The following LSAMP variants were observed in gnomAD, a reference collection of about 807,000 sequenced individuals.
The protein encoded by LSAMP is limbic system associated membrane protein.
Under a neutral mutation model 38.6 loss-of-function variants are expected in LSAMP, and 7 were observed. The ratio of observed to expected loss-of-function variants is 0.18; its 90% CI spans 0.10 to 0.34. The LOEUF (loss-of-function observed/expected upper bound fraction) is 0.34. LSAMP is among the 10% of genes least tolerant of loss of function. LSAMP has a pLI of 1.00. For missense variants in LSAMP, 313 were observed against 420.0 expected (o/e 0.75, Z 2.23); for synonymous variants, 154 against 166.8 (o/e 0.92, Z 0.59).
intron 6 of LSAMP, among the ~76,000 whole-genome samples, chr3:115,828,017 C>A (rs984998335): frequency 2.6e-5 from 4 of 152,110 alleles, no homozygotes; most frequent in Non-Finnish European, 4.4e-5. Flanking sequence ...GTTAACTAAG[C>A]TTAATTTGTA....
chr3:116,165,591 A>G (rs1328307655), intron 1 of LSAMP, among the ~76,000 whole-genome samples: 2 of 152,180 alleles, frequency 1.3e-5, no homozygotes, highest in African/African-American at 4.8e-5. Flanking sequence ...GAAATCCACC[A>G]AAGAGGAAAT....
At chr3:115,987,837 G>C (rs4240165) in intron 3 of LSAMP, among the ~76,000 whole-genome samples, 67,890 of 151,942 alleles carry the variant, frequency 0.45, 16,773 homozygotes, top group African/African-American at 0.68. Flanking sequence ...TATAAGATTT[G>C]CTATTTAAAA....
At chr3:115,963,642 G>C (rs768961822) in intron 3 of LSAMP, among the ~76,000 whole-genome samples, 1 of 152,150 alleles carries the variant, frequency 6.6e-6, no homozygotes, top group South Asian at 2.1e-4. Flanking sequence ...CGGTGTAAGA[G>C]GGTTTTAACT....
intron 1 of LSAMP, among the ~76,000 whole-genome samples, chr3:116,095,070 A>T (rs1022297048): frequency 2.0e-5 from 3 of 152,226 alleles, no homozygotes; most frequent in African/African-American, 4.8e-5. Context: ...TCAAAAAGTT[A>T]ACCTCTTTAT....
chr3:116,381,388 C>T (rs914812165), intron 1 of LSAMP, among the ~76,000 whole-genome samples: 1 of 152,056 alleles, frequency 6.6e-6, no homozygotes, highest in Non-Finnish European at 1.5e-5. Context: ...AAACTTTCCT[C>T]ATTGAGGGTT....
At chr3:116,137,289 GTT>G (rs1439662983) in intron 1 of LSAMP, among the ~76,000 whole-genome samples, 1 of 151,978 alleles carries the variant, frequency 6.6e-6, no homozygotes, top group East Asian at 1.9e-4. Flanking sequence ...GCCAAATTTA[GTT>G]ATATTTTGAG....
intron 3 of LSAMP, among the ~76,000 whole-genome samples, chr3:115,909,798 G>T (rs1169335343): frequency 6.6e-6 from 1 of 152,148 alleles, no homozygotes. Context: ...TAAGAAGCCA[G>T]TCAGGATAAT....
chr3:116,203,698 A>G (rs1275972075), intron 1 of LSAMP, among the ~76,000 whole-genome samples: 5 of 151,244 alleles, frequency 3.3e-5, no homozygotes, highest in East Asian at 2.0e-4. Context: ...ATGATTTCCA[A>G]TTTCATCCAT....
chr3:115,880,889 T>A (rs1936303623), intron 3 of LSAMP, among the ~76,000 whole-genome samples: 1 of 151,624 alleles, frequency 6.6e-6, no homozygotes, highest in Non-Finnish European at 1.5e-5. Flanking sequence ...TACAAAAAAA[T>A]GAGCCAGGTG....
intron 1 of LSAMP, among the ~76,000 whole-genome samples, chr3:116,347,598 C>T (rs115193490): frequency 0.02 from 3,063 of 152,104 alleles, 42 homozygotes; most frequent in Middle Eastern, 0.031. Flanking sequence ...TATTTGTTTT[C>T]ATGGAATTCA....
intron 1 of LSAMP, among the ~76,000 whole-genome samples, chr3:116,195,021 G>T (rs1301534971): frequency 6.6e-6 from 1 of 152,172 alleles, no homozygotes; most frequent in Non-Finnish European, 1.5e-5. Context: ...AGGATCCCCT[G>T]CCAACTGGGT....
chr3:115,834,824 G>A (rs1287236775), intron 6 of LSAMP, among the ~76,000 whole-genome samples: 2 of 151,960 alleles, frequency 1.3e-5, no homozygotes, highest in Non-Finnish European at 1.5e-5. Context: ...AGCTAGTATA[G>A]GAGGACAACA....
intron 6 of LSAMP, among the ~76,000 whole-genome samples, chr3:115,822,478 A>G (rs1934276617): frequency 6.6e-6 from 1 of 150,906 alleles, no homozygotes; most frequent in Admixed American, 6.6e-5. Context: ...ATCCTGCCTC[A>G]GCCTCCCGAG....
intron 1 of LSAMP, among the ~76,000 whole-genome samples, chr3:116,209,166 G>C (rs897460165): frequency 7.9e-5 from 12 of 152,280 alleles, no homozygotes; most frequent in African/African-American, 2.6e-4. Context: ...CGATTTTCCA[G>C]GTGAGTCCGT....
At chr3:116,143,614 G>C (rs1014510245) in intron 1 of LSAMP, among the ~76,000 whole-genome samples, 1 of 151,956 alleles carries the variant, frequency 6.6e-6, no homozygotes, top group Non-Finnish European at 1.5e-5. Context: ...AAAATTAAAA[G>C]TCTACTGTAT....
At chr3:116,380,931 T>C (rs1118683) in intron 1 of LSAMP, among the ~76,000 whole-genome samples, 151,366 of 152,168 alleles carry the variant, frequency 0.99, 75,291 homozygotes, top group Middle Eastern at 1. Flanking sequence ...TCATCAAAAT[T>C]AGAAGCTAAA....
chr3:116,261,614 A>C (rs1162850513), intron 1 of LSAMP, among the ~76,000 whole-genome samples: 1 of 152,156 alleles, frequency 6.6e-6, no homozygotes, highest in Non-Finnish European at 1.5e-5. Context: ...TGATTAAAAA[A>C]CAATTATTTA....
intron 3 of LSAMP, among the ~76,000 whole-genome samples, chr3:115,979,134 T>A (rs997058573): frequency 9.2e-5 from 14 of 151,996 alleles, no homozygotes; most frequent in African/African-American, 3.4e-4. Flanking sequence ...TCTTAAAGAT[T>A]TTTTTTAAAA....
At chr3:116,336,447 C>T (rs539095340) in intron 1 of LSAMP, among the ~76,000 whole-genome samples, 23 of 151,984 alleles carry the variant, frequency 1.5e-4, no homozygotes, top group African/African-American at 4.6e-4. Flanking sequence ...AAATGGGCAA[C>T]GAACCTGAAT....
Sources: allele counts gnomAD v4.1 joint callset (sites outside exome capture counted in the v4.1 genomes callset), GRCh38; gene constraint gnomAD v4.1.1; transcripts MANE v1.5; gene names NCBI Gene and HGNC (gene_info 2026-07-23, HGNC 2026-07-21).